Variants in DAB1 observed in about 807,000 individuals in gnomAD.
DAB1 encodes the protein DAB adaptor protein 1.
DAB1 carries 15 observed loss-of-function variants against 64.6 expected under a neutral mutation model. That is an observed-to-expected ratio of 0.23 (90% CI 0.16 to 0.36). DAB1 has a LOEUF of 0.36. Among genes scored for constraint, DAB1 ranks in the 10% least tolerant of loss-of-function variants. The pLI is 1.00. For synonymous variants in DAB1, 235 were observed against 251.9 expected, an observed-to-expected ratio of 0.93 and a Z score of 0.64; for missense variants, 596 against 706.7, an observed-to-expected ratio of 0.84 and a Z score of 1.78.
Position 57,263,185 on chromosome 1 carries a change from G to A in DAB1, c.67+27779C>T, listed in dbSNP as rs373193037. ...GGCTGGAGTGCAATGGCACAATCTC[G>A]GCTCACTGCATCCTCTGCCTCCTGG... On this transcript the variant is annotated intron_variant, in intron 2 of 14. Coordinates refer to ENST00000371236, the MANE Select transcript of DAB1 (RefSeq NM_001365792.1). 1.7e-4 allele frequency among the ~76,000 whole-genome samples: 26 copies of A among 151,510 alleles called. No homozygotes were observed. The East Asian group carries it at 4.3e-3, about 25-fold the overall frequency.
At chr1:58,049,031 C>T (rs956322239) in intron 5 of DAB1, 3 of 788,120 alleles carry the variant, frequency 3.8e-6, no homozygotes, top group Non-Finnish European at 6.8e-6. Context: ...TGAGACAGCT[C>T]TCTGTTTCCA....
At chr1:58,267,344 T>C (rs1661194842) in intron 4 of DAB1, among the ~76,000 whole-genome samples, 1 of 152,186 alleles carries the variant, frequency 6.6e-6, no homozygotes, top group Non-Finnish European at 1.5e-5. Context: ...GCTCAAAAAG[T>C]GTCACCGGGG....
rs531605935 is a variant in DAB1, at chr1:58,051,227, T to G, written n.387+99284A>C. On this transcript the variant is annotated intron_variant and non_coding_transcript_variant, in intron 5 of 20. Transcript: ENST00000485760. ...CCCCAGCCCCCGATGGGCCCCAGTA[T>G]ATGATGTTCCCTGCCCTGTGTCCAA... Among the ~76,000 whole-genome samples, 159 of 149,936 alleles carry G rather than the reference T, an allele frequency of 1.1e-3. 2 individuals are homozygous for G. The highest frequency in any genetic ancestry group is 3.8e-3 in the African/African-American group (155 of 40,926).
At chr1:57,609,394 C>T (rs1002893338) in intron 7 of DAB1, among the ~76,000 whole-genome samples, 2 of 152,080 alleles carry the variant, frequency 1.3e-5, no homozygotes. Flanking sequence ...TTAAAAGATA[C>T]AGGAGGATGT....
chr1:58,329,953 A>G (rs1337992054), intron 4 of DAB1, among the ~76,000 whole-genome samples: 4 of 152,220 alleles, frequency 2.6e-5, no homozygotes, highest in African/African-American at 9.6e-5. Context: ...ACAATGGCCT[A>G]TAAATATTCA....
intron 3 of DAB1, among the ~76,000 whole-genome samples, chr1:58,457,440 C>T (rs570806965): frequency 6.6e-6 from 1 of 152,314 alleles, no homozygotes; most frequent in East Asian, 1.9e-4. Context: ...GACAGCCAAA[C>T]CCCTTATTAA....
intron 2 of DAB1, among the ~76,000 whole-genome samples, chr1:57,217,823 C>A (rs1052390774): frequency 2.0e-5 from 3 of 152,046 alleles, no homozygotes; most frequent in Non-Finnish European, 4.4e-5. Context: ...TCTGATCACA[C>A]CTACCAATCC....
intron 5 of DAB1, among the ~76,000 whole-genome samples, chr1:57,956,091 GGAAGGCA>G (rs1645386666): frequency 1.3e-5 from 2 of 152,218 alleles, no homozygotes; most frequent in East Asian, 3.9e-4. Context: ...TTGTGTCAGA[GGAAGGCA>G]ATATGTCAGA....
intron 1 of DAB1, among the ~76,000 whole-genome samples, chr1:57,348,459 T>C (rs990751320): frequency 6.6e-6 from 1 of 152,156 alleles, no homozygotes; most frequent in African/African-American, 2.4e-5. Flanking sequence ...AAGCAAAAAC[T>C]GGTATTTAGT....
intron 3 of DAB1, among the ~76,000 whole-genome samples, chr1:58,459,510 A>G (rs1645222428): frequency 6.6e-6 from 1 of 152,258 alleles, no homozygotes; most frequent in African/African-American, 2.4e-5. Flanking sequence ...AGGCTCTCCA[A>G]GTACTCTTAA....
At chr1:57,667,306 T>C (rs1646459706) in intron 6 of DAB1, among the ~76,000 whole-genome samples, 1 of 152,162 alleles carries the variant, frequency 6.6e-6, no homozygotes, top group African/African-American at 2.4e-5. Flanking sequence ...CCACAGTCAA[T>C]GTCAATTGTG....
intron 7 of DAB1, among the ~76,000 whole-genome samples, chr1:57,544,053 C>G (rs1313461813): frequency 6.6e-6 from 1 of 152,142 alleles, no homozygotes; most frequent in African/African-American, 2.4e-5. Flanking sequence ...TCTGGGGCTA[C>G]AGTGAGCTCT....
chr1:57,619,178 G>A (rs949502726), intron 7 of DAB1, among the ~76,000 whole-genome samples: 1 of 152,114 alleles, frequency 6.6e-6, no homozygotes, highest in Non-Finnish European at 1.5e-5. Flanking sequence ...GGAATATGAT[G>A]GGTAGCAGTT....
chr1:57,176,975 A>C (rs796473556), intron 2 of DAB1, among the ~76,000 whole-genome samples: 12 of 126,458 alleles, frequency 9.5e-5, no homozygotes, highest in Non-Finnish European at 1.7e-4. Context: ...GCAGATATAA[A>C]AAAAAAAAAA....
chr1:57,353,107 T>A (rs1226417784), intron 1 of DAB1, among the ~76,000 whole-genome samples: 3 of 116,516 alleles, frequency 2.6e-5, no homozygotes, highest in Non-Finnish European at 5.1e-5. Flanking sequence ...ATATATATTT[T>A]TTTCCATACA....
At chr1:57,537,011 G>C (rs1242953717) in intron 7 of DAB1, among the ~76,000 whole-genome samples, 1 of 152,120 alleles carries the variant, frequency 6.6e-6, no homozygotes, top group East Asian at 1.9e-4. Context: ...ATTCCTATCA[G>C]ATTTTAAAGA....
At chr1:57,494,648 C>T (rs1344537007) in intron 7 of DAB1, among the ~76,000 whole-genome samples, 2 of 152,218 alleles carry the variant, frequency 1.3e-5, no homozygotes, top group Non-Finnish European at 2.9e-5. Context: ...TATCATTTTA[C>T]ATCCTTTATA....
chr1:58,311,136 G>A (rs188364743), intron 4 of DAB1, among the ~76,000 whole-genome samples: 1 of 151,958 alleles, frequency 6.6e-6, no homozygotes, highest in Non-Finnish European at 1.5e-5. Flanking sequence ...TAAGTCCTTG[G>A]CCTGCCTTTA....
intron 1 of DAB1, among the ~76,000 whole-genome samples, chr1:57,852,163 C>A (rs1272703235): frequency 1.3e-5 from 2 of 152,176 alleles, no homozygotes; most frequent in African/African-American, 2.4e-5. Flanking sequence ...CATTCCCTAA[C>A]CTTTTCCCTT....
Sources: allele counts gnomAD v4.1 joint callset (sites outside exome capture counted in the v4.1 genomes callset), GRCh38; gene constraint gnomAD v4.1.1; transcripts MANE v1.5; gene names NCBI Gene and HGNC (gene_info 2026-07-23, HGNC 2026-07-21).